Variants in C12orf42 observed in about 807,000 individuals in gnomAD.
C12orf42 encodes chromosome 12 open reading frame 42, also known as uncharacterized protein C12orf42.
C12orf42 carries 25 observed loss-of-function variants against 21.6 expected under a neutral mutation model. The observed-to-expected ratio is 1.16, with a 90% confidence interval of 0.84 to 1.62. The LOEUF (loss-of-function observed/expected upper bound fraction) is 1.62. Ranked by LOEUF, C12orf42 falls within the 40% of genes most tolerant of loss-of-function variation. The pLI is 0.00. For synonymous variants in C12orf42, 174 were observed against 175.0 expected, an observed-to-expected ratio of 0.99 and a Z score of 0.05; for missense variants, 483 against 459.3, an observed-to-expected ratio of 1.05 and a Z score of -0.47.
chr12:103,434,098 A>G (rs1410449257), intron 2 of C12orf42, among the ~76,000 whole-genome samples: 2 of 152,188 alleles, frequency 1.3e-5, no homozygotes, highest in Non-Finnish European at 1.5e-5. Flanking sequence ...GAGGCTTGCC[A>G]AGGTCATTCA....
At chr12:103,397,582 C>T (rs1015096361) in intron 3 of C12orf42, 3 of 152,200 alleles carry the variant, frequency 2.0e-5, no homozygotes, top group African/African-American at 4.8e-5. Context: ...CTCCTCCAAA[C>T]CCCTCCTTGT....
chr12:103,494,536 T>C (rs527394703), intron 1 of C12orf42, among the ~76,000 whole-genome samples: 66 of 151,702 alleles, frequency 4.4e-4, no homozygotes, highest in Admixed American at 2.8e-3. Flanking sequence ...GGGGGTTTTT[T>C]AAGCACTCTA....
At chr12:103,388,172 G>A (rs564603742) in intron 3 of C12orf42, among the ~76,000 whole-genome samples, 2 of 152,200 alleles carry the variant, frequency 1.3e-5, no homozygotes, top group Non-Finnish European at 2.9e-5. Flanking sequence ...GCCAGAGAAG[G>A]GGGGGTGATA....
At chr12:103,076,298 T>C in the C12orf42 span, among the ~76,000 whole-genome samples, 5 of 152,170 alleles carry the variant, frequency 3.3e-5, no homozygotes, top group African/African-American at 1.2e-4. Context: ...CCTTTTTTTT[T>C]TTTTTAAATA....
chr12:103,364,325 T>G (rs2137776995), intron 4 of C12orf42, among the ~76,000 whole-genome samples: 1 of 152,108 alleles, frequency 6.6e-6, no homozygotes, highest in Admixed American at 6.6e-5. Context: ...CATAAAAATC[T>G]CTGGATACAG....
At chr12:103,294,530 GAAGC>G (rs1167366502) in intron 4 of C12orf42, among the ~76,000 whole-genome samples, 10 of 134,286 alleles carry the variant, frequency 7.4e-5, no homozygotes, top group South Asian at 5.0e-4. Context: ...AAGAAAGAAA[GAAGC>G]AAGCAAGCAA....
chr12:103,214,153 A>G, the C12orf42 span, among the ~76,000 whole-genome samples: 1 of 152,184 alleles, frequency 6.6e-6, no homozygotes, highest in Non-Finnish European at 1.5e-5. Flanking sequence ...AAGTTTGAAC[A>G]AGGAGCCTGT....
chr12:103,495,564 A>C (rs2138246501), intron 1 of C12orf42, among the ~76,000 whole-genome samples: 1 of 151,872 alleles, frequency 6.6e-6, no homozygotes, highest in South Asian at 2.1e-4. Context: ...GCTCGCTGTC[A>C]ATGCATCACC....
At chr12:103,543,453 T>G in the C12orf42 span, among the ~76,000 whole-genome samples, 9 of 151,958 alleles carry the variant, frequency 5.9e-5, 1 homozygote, top group Admixed American at 2.6e-4. Context: ...CTACAAAATT[T>G]TTTAATAAAA....
At chr12:103,432,195 A>G (rs1234488915) in intron 2 of C12orf42, among the ~76,000 whole-genome samples, 1 of 152,154 alleles carries the variant, frequency 6.6e-6, no homozygotes, top group Non-Finnish European at 1.5e-5. Flanking sequence ...TACACCAGTT[A>G]AGCTCAGCCA....
the C12orf42 span, among the ~76,000 whole-genome samples, chr12:103,506,671 G>A: frequency 9.4e-5 from 14 of 148,444 alleles, no homozygotes; most frequent in South Asian, 4.2e-4. Flanking sequence ...GCTTAACTTC[G>A]CATTTCTCAG....
rs974546485 is a variant in C12orf42, at chr12:103,381,848, C to T, written c.148-12850G>A. On this transcript the variant is annotated intron_variant, in intron 3 of 5. Transcript: ENST00000548883. ...AGGAGAATGGCATGAACCTGGGAGG[C>T]GGATCTTGCAGTGAGCCAAGATCAC... 7.9e-5 allele frequency among the ~76,000 whole-genome samples: 12 copies of T among 151,906 alleles called. 1 individual carries two copies. Among genetic ancestry groups the T allele is most frequent in the Admixed American group, 3.3e-4 (5 of 15,272 alleles).
At chr12:103,282,265 T>C (rs911355772) in intron 4 of C12orf42, among the ~76,000 whole-genome samples, 3 of 152,210 alleles carry the variant, frequency 2.0e-5, no homozygotes, top group African/African-American at 7.2e-5. Context: ...CCTTGTTGTC[T>C]TAAAAAGCAA....
chr12:103,400,803 G>A (rs2047924659), intron 3 of C12orf42, among the ~76,000 whole-genome samples: 1 of 152,172 alleles, frequency 6.6e-6, no homozygotes, highest in Admixed American at 6.5e-5. Context: ...CCATAGAAGA[G>A]AAAACTATCT....
chr12:103,329,095 A>G (rs1303459529), intron 4 of C12orf42, among the ~76,000 whole-genome samples: 1 of 151,184 alleles, frequency 6.6e-6, no homozygotes, highest in Non-Finnish European at 1.5e-5. Flanking sequence ...GGACGCAGGC[A>G]TGCATTCAGA....
intron 2 of C12orf42, among the ~76,000 whole-genome samples, chr12:103,408,029 A>C (rs1192833445): frequency 6.6e-6 from 1 of 152,174 alleles, no homozygotes; most frequent in Non-Finnish European, 1.5e-5. Context: ...CCCTCTTTGC[A>C]GATAAAGCCC....
chr12:103,398,024 T>A (rs1049244965), intron 3 of C12orf42, among the ~76,000 whole-genome samples: 2 of 152,114 alleles, frequency 1.3e-5, no homozygotes, highest in Admixed American at 6.5e-5. Context: ...GAATATCACA[T>A]ATGTACCTCA....
chr12:103,504,381 G>T, the C12orf42 span: 1 of 164,712 alleles, frequency 6.1e-6, no homozygotes, highest in Non-Finnish European at 1.3e-5. Flanking sequence ...CCAAGATTGA[G>T]GGCAAGTTCT....
intron 4 of C12orf42, among the ~76,000 whole-genome samples, chr12:103,325,942 G>T (rs1187220453): frequency 6.6e-6 from 1 of 152,112 alleles, no homozygotes; most frequent in Non-Finnish European, 1.5e-5. Flanking sequence ...TGATGAATTG[G>T]AGAAAAATGA....
Sources: gnomAD v4.1 joint callset for allele counts (sites outside exome capture counted in the v4.1 genomes callset) on GRCh38, gnomAD v4.1.1 for gene constraint, MANE v1.5 for transcripts, NCBI Gene and HGNC (gene_info 2026-07-23, HGNC 2026-07-21) for gene names.